The following MCF2L variants were observed in gnomAD, a reference collection of about 807,000 sequenced individuals.
The protein encoded by MCF2L is guanine nucleotide exchange factor DBS.
In MCF2L, 97 loss-of-function variants were observed where a neutral mutation model predicts 153.4. That is an observed-to-expected ratio of 0.63 (90% CI 0.54 to 0.75). MCF2L has a LOEUF of 0.75. Among genes scored for constraint, MCF2L ranks in the 30% least tolerant of loss-of-function variants. The pLI, the probability that MCF2L is intolerant of heterozygous loss-of-function variation, is 0.00. For synonymous variants in MCF2L, 659 were observed against 632.2 expected (o/e 1.04, Z -0.64); for missense variants, 1,347 against 1,495.2 (o/e 0.90, Z 1.64).
intron 27 of MCF2L, 92 bp downstream of exon 27, chr13:113,094,727 A>G: frequency 6.8e-7 from 1 of 1,461,154 alleles, no homozygotes; most frequent in Non-Finnish European, 9.2e-7. Flanking sequence ...CTTGGGTCTT[A>G]GGACACAGCC....
At chr13:113,090,934 C>T (rs2035145927) in intron 26 of MCF2L, 45 of 1,194,384 alleles carry the variant, frequency 3.8e-5, no homozygotes, top group Non-Finnish European at 4.6e-5. Flanking sequence ...CCTCCCGGCC[C>T]CTCCTTCACT....
At chr13:113,032,193 C>A (rs2085768449) in intron 3 of MCF2L, among the ~76,000 whole-genome samples, 6 of 152,222 alleles carry the variant, frequency 3.9e-5, no homozygotes, top group Admixed American at 3.9e-4. Context: ...GACCTGAGCA[C>A]CCTGTCCTGC....
intron 2 of MCF2L, among the ~76,000 whole-genome samples, chr13:113,020,615 G>A (rs888192715): frequency 6.6e-6 from 1 of 152,190 alleles, no homozygotes; most frequent in Non-Finnish European, 1.5e-5. Flanking sequence ...GTGGCCAGGC[G>A]AGCAGAGCAA....
Position 113,082,410 on chromosome 13 carries a change from C to T in MCF2L, c.1876-17C>T. 1 of 1,574,928 alleles carries T rather than the reference C, an allele frequency of 6.3e-7. No individual in the cohort carries two copies. Among genetic ancestry groups the T allele is most frequent in the South Asian group, 1.1e-5 (1 of 90,176 alleles). On this transcript the variant is annotated splice_polypyrimidine_tract_variant and intron_variant, in intron 16 of 29. Transcript: ENST00000535094. ...TCAGGCCCAGGACCCCCGCCGACCT[C>T]TGCGCTCTCCCTGCAGGGCTACGCC... is the stretch of plus-strand genomic sequence containing the variant.
intron 2 of MCF2L, among the ~76,000 whole-genome samples, chr13:112,908,882 C>T (rs1243857851): frequency 6.6e-6 from 1 of 152,034 alleles, no homozygotes; most frequent in Non-Finnish European, 1.5e-5. Context: ...CACGCCACCG[C>T]AACTGGCTAA....
intron 2 of MCF2L, among the ~76,000 whole-genome samples, chr13:112,911,483 C>G (rs2081231856): frequency 6.6e-6 from 1 of 152,254 alleles, no homozygotes; most frequent in Non-Finnish European, 1.5e-5. Context: ...GGCCGTGATC[C>G]CCGGATCCTG....
intron 2 of MCF2L, among the ~76,000 whole-genome samples, chr13:112,921,323 C>T (rs2140567931): frequency 6.6e-6 from 1 of 152,272 alleles, no homozygotes; most frequent in South Asian, 2.1e-4. Flanking sequence ...CCTAACAACG[C>T]AGAATTCAGA....
rs1594982944 is a variant in MCF2L at position 113,084,125 on chromosome 13, C to T, written c.2061+58C>T. The T allele has an allele frequency of 3.0e-6, 4 of 1,344,808 alleles. No individual in the cohort carries two copies. The East Asian group carries it at 9.2e-5, about 31-fold the overall frequency. 83.3% of individuals were successfully genotyped at this position (1,344,808 alleles called of 1,614,324 possible). A position where few individuals can be genotyped will look rare whatever the true frequency, so the allele number is the denominator to read the frequency against. On this transcript the variant is annotated intron_variant, in intron 18 of 29. Transcript: ENST00000535094. Reference sequence around the variant, plus strand: ...ACTTCTTAAAAGTACTGAATAATGACTTCAGATTCTACTGCAAGTTCCTAT... The same window carrying T: ...ACTTCTTAAAAGTACTGAATAATGATTTCAGATTCTACTGCAAGTTCCTAT...
chr13:113,085,840 G>A (rs1286162365), intron 20 of MCF2L, among the ~76,000 whole-genome samples: 1 of 109,248 alleles, frequency 9.2e-6, no homozygotes, highest in African/African-American at 3.5e-5. Context: ...GCAGGAGGGA[G>A]CTCCCCGGGG....
intron 5 of MCF2L, among the ~76,000 whole-genome samples, chr13:113,061,801 C>T (rs1324384043): frequency 5.8e-5 from 1 of 17,174 alleles, no homozygotes; most frequent in Non-Finnish European, 1.2e-4. Flanking sequence ...CTTCCCCTCC[C>T]TTCCCTCTCC....
rs915047927 is a variant in MCF2L at position 112,900,321 on chromosome 13, C to T, written c.-4-1878C>T. The stretch of plus-strand genomic sequence containing the variant: ...TTTCTGCAGAGATGAAGCAGGTGCC[C>T]GGACAAGGTGGTGAGCACAGCTGGG... On this transcript the variant is annotated intron_variant, in intron 1 of 29. Transcript: ENST00000375608. Among the ~76,000 whole-genome samples the T allele has an allele frequency of 1.9e-4, 29 of 152,200 alleles. 1 individual carries two copies. The highest frequency in any genetic ancestry group is 3.2e-4 in the Non-Finnish European group (22 of 68,038).
At chr13:113,056,233 A>G (rs922714211) in intron 4 of MCF2L, among the ~76,000 whole-genome samples, 4 of 152,154 alleles carry the variant, frequency 2.6e-5, no homozygotes, top group African/African-American at 9.7e-5. Context: ...AATTCCTACA[A>G]GGCAGGTGAC....
At chr13:112,896,279 G>A (rs953669949) in intron 1 of MCF2L, among the ~76,000 whole-genome samples, 1 of 149,730 alleles carries the variant, frequency 6.7e-6, no homozygotes, top group African/African-American at 2.6e-5. Context: ...CCGCCCCCCC[G>A]AGGCCTCCTC....
In MCF2L at chr13:112,951,105, C is replaced by T. The variant is rs73572899; in HGVS notation, c.169+48734C>T. On this transcript the variant is annotated intron_variant, in intron 2 of 29. Coordinates refer to the MCF2L transcript ENST00000375608. This position sits in a 1 kb window ranked among gnomAD's most constrained non-coding sequence, Gnocchi z 4.8. ...GCCACAGTGAGGGCAGAAGAGCACA[C>T]GGAAAGGTGTCAGTCAATAGTAGCC... is the stretch of plus-strand genomic sequence containing the variant. 0.013 allele frequency among the ~76,000 whole-genome samples: 1,970 copies of T among 152,260 alleles called. 50 individuals carry two copies. The highest frequency in any genetic ancestry group is 0.044 in the African/African-American group (1,834 of 41,520).
At chr13:112,899,206 T>G (rs573675823) in intron 1 of MCF2L, among the ~76,000 whole-genome samples, 4 of 152,310 alleles carry the variant, frequency 2.6e-5, no homozygotes, top group African/African-American at 9.6e-5. Context: ...CGTGTCTGCA[T>G]CTGTAGACAG....
At chr13:113,062,494 G>A (rs545775273) in intron 5 of MCF2L, among the ~76,000 whole-genome samples, 1 of 152,076 alleles carries the variant, frequency 6.6e-6, no homozygotes, top group Non-Finnish European at 1.5e-5. Context: ...GACCACAGAC[G>A]TGTCACGGGG....
rs567594747 is a variant in MCF2L, at chr13:112,983,608, C to G, written c.79+14150C>G. ...GGGAGCCGGGAGGAGCGTCAGATGC[C>G]TGTGGCCTCTTTACAGCTCTGTCCC... On this transcript the variant is annotated intron_variant, in intron 1 of 29. Coordinates refer to ENST00000535094, the MANE Select transcript of MCF2L (RefSeq NM_001112732.3). This position sits in a 1 kb window ranked among gnomAD's most constrained non-coding sequence, Gnocchi z 4.0. Among the ~76,000 whole-genome samples, 29 of 152,236 alleles carry G rather than the reference C, an allele frequency of 1.9e-4. No homozygotes were observed. The highest frequency in any genetic ancestry group is 3.7e-4 in the Non-Finnish European group (25 of 68,044).
At chr13:113,095,712 C>G in intron 27 of MCF2L, 1 of 992,394 alleles carries the variant, frequency 1.0e-6, no homozygotes, top group Non-Finnish European at 1.2e-6. Flanking sequence ...GGCCCTGCAG[C>G]CGGCAGCACC....
intron 1 of MCF2L, among the ~76,000 whole-genome samples, chr13:112,900,052 G>A (rs748556197): frequency 1.3e-5 from 2 of 152,180 alleles, no homozygotes; most frequent in Non-Finnish European, 2.9e-5. Flanking sequence ...AAACGTGACC[G>A]TGCACACCTG....
Sources: gnomAD v4.1 joint callset for allele counts (sites outside exome capture counted in the v4.1 genomes callset) on GRCh38, gnomAD v4.1.1 for gene constraint, Gnocchi (gnomAD v3.1) non-coding constraint, MANE v1.5 for transcripts, NCBI Gene and HGNC (gene_info 2026-07-23, HGNC 2026-07-21) for gene names.